Variants in CFAP299 observed in about 807,000 individuals in gnomAD.
The protein encoded by CFAP299 is cilia and flagella associated protein 299.
A neutral mutation model predicts 27.0 loss-of-function variants in CFAP299; 21 were observed. The observed-to-expected ratio is 0.78, with a 90% CI of 0.55 to 1.12. CFAP299 has a LOEUF of 1.12. Among genes scored for constraint, CFAP299 ranks in the 50% most tolerant of loss-of-function variants. The pLI, the probability that CFAP299 is intolerant of heterozygous loss-of-function variation, is 0.00. For missense variants in CFAP299, 310 were observed against 276.6 expected, an observed-to-expected ratio of 1.12 and a Z score of -0.86; for synonymous variants, 104 against 98.1, an observed-to-expected ratio of 1.06 and a Z score of -0.36.
chr4:80,827,538 C>A (rs188280644), intron 3 of CFAP299, among the ~76,000 whole-genome samples: 88 of 151,840 alleles, frequency 5.8e-4, no homozygotes, highest in African/African-American at 2.1e-3. Flanking sequence ...AAACACTCAG[C>A]AAACTAGGAA....
rs545755663 is a variant in CFAP299, at chr4:80,740,127, T to C, written c.334-129866T>C. Among the ~76,000 whole-genome samples the C allele has an allele frequency of 8.5e-5, 13 of 152,344 alleles. No homozygotes were observed. In the South Asian group the frequency reaches 1.0e-3, roughly 12 times the overall value. ...TTTGAATTTTCTGTCTGAAAGGTCA[T>C]ATAACTCCATTTCTCCAAGATTGTT... On this transcript the variant is annotated intron_variant, in intron 3 of 5. Transcript: ENST00000358105.
At chr4:80,941,003 C>G (rs1177278860) in intron 4 of CFAP299, among the ~76,000 whole-genome samples, 1 of 152,048 alleles carries the variant, frequency 6.6e-6, no homozygotes, top group Non-Finnish European at 1.5e-5. Flanking sequence ...GTTCCAGGGC[C>G]TCCCATAGGT....
intron 3 of CFAP299, among the ~76,000 whole-genome samples, chr4:80,802,852 G>A (rs1323096183): frequency 6.6e-6 from 1 of 151,960 alleles, no homozygotes; most frequent in Non-Finnish European, 1.5e-5. Flanking sequence ...TTACTAACTT[G>A]TATAAATTTT....
chr4:80,390,720 C>CATATATGT (rs1208322596), intron 2 of CFAP299, among the ~76,000 whole-genome samples: 9 of 138,164 alleles, frequency 6.5e-5, no homozygotes, highest in Non-Finnish European at 9.2e-5. Context: ...TGTATACACA[C>CATATATGT]ATACATGTAT....
intron 3 of CFAP299, among the ~76,000 whole-genome samples, chr4:80,752,249 A>G (rs951442887): frequency 1.3e-5 from 2 of 151,962 alleles, no homozygotes; most frequent in African/African-American, 4.8e-5. Flanking sequence ...TCCCAATGCA[A>G]GAACCTAGGT....
intron 2 of CFAP299, chr4:80,420,296 C>G: frequency 2.2e-6 from 1 of 447,280 alleles, no homozygotes; most frequent in Admixed American, 2.4e-5. Flanking sequence ...TGCTGATTCT[C>G]TACAGATGCA....
intron 3 of CFAP299, among the ~76,000 whole-genome samples, chr4:80,862,665 C>G (rs906416647): frequency 9.9e-5 from 15 of 152,204 alleles, no homozygotes; most frequent in Admixed American, 9.2e-4. Context: ...TCTGGACTGG[C>G]CTGCAACCTG....
chr4:80,958,101 A>G (rs991857805), intron 5 of CFAP299, among the ~76,000 whole-genome samples: 1 of 152,130 alleles, frequency 6.6e-6, no homozygotes, highest in East Asian at 1.9e-4. Flanking sequence ...CTCTGTCCGT[A>G]AGATTTCACC....
intron 3 of CFAP299, among the ~76,000 whole-genome samples, chr4:80,654,906 A>C (rs1223217285): frequency 6.6e-6 from 1 of 151,274 alleles, no homozygotes; most frequent in African/African-American, 2.4e-5. Flanking sequence ...AGTAACCATC[A>C]TACCTAGCTA....
intron 3 of CFAP299, among the ~76,000 whole-genome samples, chr4:80,724,881 TTTTCTTTC>T (rs368826847): frequency 2.7e-5 from 4 of 149,084 alleles, no homozygotes; most frequent in African/African-American, 1.0e-4. Context: ...TTTCCTTTCT[TTTTCTTTC>T]TTTCTTTCTT....
At chr4:80,599,079 A>G (rs1419018667) in intron 3 of CFAP299, among the ~76,000 whole-genome samples, 3 of 152,226 alleles carry the variant, frequency 2.0e-5, no homozygotes, top group Non-Finnish European at 4.4e-5. Context: ...TATTTGGCCA[A>G]ATCCAAGGAG....
chr4:80,808,907 T>C (rs1578145694), intron 3 of CFAP299, among the ~76,000 whole-genome samples: 1 of 152,214 alleles, frequency 6.6e-6, no homozygotes, highest in Non-Finnish European at 1.5e-5. Context: ...ACATAAGCAT[T>C]ATAAATTTAT....
chr4:80,734,803 T>C (rs1027963075), intron 3 of CFAP299, among the ~76,000 whole-genome samples: 1 of 152,182 alleles, frequency 6.6e-6, no homozygotes, highest in African/African-American at 2.4e-5. Context: ...CTGGGTTCTC[T>C]ATTCTGTCCA....
chr4:80,767,180 T>A (rs940341618), intron 3 of CFAP299, among the ~76,000 whole-genome samples: 2 of 152,072 alleles, frequency 1.3e-5, no homozygotes, highest in African/African-American at 4.8e-5. Context: ...CACATGTGTA[T>A]TCCTATATAT....
chr4:80,422,084 A>C (rs1253119841), intron 2 of CFAP299, among the ~76,000 whole-genome samples: 2 of 152,174 alleles, frequency 1.3e-5, no homozygotes, highest in African/African-American at 4.8e-5. Flanking sequence ...GATAATTATG[A>C]AAGACAGTGT....
chr4:80,896,238 T>A (rs1266719500), intron 4 of CFAP299, among the ~76,000 whole-genome samples: 2 of 152,254 alleles, frequency 1.3e-5, no homozygotes, highest in East Asian at 1.9e-4. Context: ...AATAATATTT[T>A]AAAAATACCA....
chr4:80,856,515 T>C (rs1005997291), intron 3 of CFAP299, among the ~76,000 whole-genome samples: 6 of 152,040 alleles, frequency 3.9e-5, no homozygotes, highest in Admixed American at 1.3e-4. Context: ...TAGGTTTTCT[T>C]CTAGGGTTTT....
chr4:80,857,132 G>T (rs947665673), intron 3 of CFAP299, among the ~76,000 whole-genome samples: 16 of 152,086 alleles, frequency 1.1e-4, no homozygotes, highest in African/African-American at 3.4e-4. Flanking sequence ...CCCTTGTAAG[G>T]TGGATTCCTA....
intron 4 of CFAP299, among the ~76,000 whole-genome samples, chr4:80,888,732 T>A (rs1734093966): frequency 6.7e-6 from 1 of 150,154 alleles, no homozygotes; most frequent in Admixed American, 6.6e-5. Flanking sequence ...ACAAAACAAG[T>A]ATTTAAATTT....
Sources: allele counts gnomAD v4.1 joint callset (sites outside exome capture counted in the v4.1 genomes callset), GRCh38; gene constraint gnomAD v4.1.1; transcripts MANE v1.5; gene names NCBI Gene and HGNC (gene_info 2026-07-23, HGNC 2026-07-21).